Variants in CDH18 observed in about 807,000 individuals in gnomAD.
The protein encoded by CDH18 is cadherin-18.
In CDH18, 31 loss-of-function variants were observed where a neutral mutation model predicts 67.9. The ratio of observed to expected loss-of-function variants is 0.46; its 90% CI spans 0.34 to 0.62. CDH18 has a LOEUF of 0.62. Among genes scored for constraint, CDH18 ranks in the 20% least tolerant of loss-of-function variants. CDH18 has a pLI of 0.01. For missense variants in CDH18, 890 were observed against 975.5 expected, an observed-to-expected ratio of 0.91 and a Z score of 1.17; for synonymous variants, 362 against 347.2, an observed-to-expected ratio of 1.04 and a Z score of -0.48.
intron 1 of CDH18, among the ~76,000 whole-genome samples, chr5:20,338,482 C>T (rs912438098): frequency 1.3e-5 from 2 of 152,188 alleles, no homozygotes; most frequent in Non-Finnish European, 2.9e-5. Flanking sequence ...GGCCTCTCAT[C>T]AGGGACCAAG....
intron 1 of CDH18, among the ~76,000 whole-genome samples, chr5:20,288,877 A>G (rs1746891925): frequency 6.6e-6 from 1 of 152,012 alleles, no homozygotes; most frequent in Non-Finnish European, 1.5e-5. Flanking sequence ...CAGTTAAGAT[A>G]TATTTCAAAA....
chr5:20,372,705 C>T (rs1166060042), intron 1 of CDH18, among the ~76,000 whole-genome samples: 2 of 152,210 alleles, frequency 1.3e-5, no homozygotes, highest in African/African-American at 2.4e-5. Context: ...TGATAGCAAA[C>T]ATTAGTTGAT....
At chr5:19,863,188 C>A (rs1581693961) in intron 2 of CDH18, among the ~76,000 whole-genome samples, 1 of 151,678 alleles carries the variant, frequency 6.6e-6, no homozygotes, top group East Asian at 1.9e-4. Flanking sequence ...AGTGTGAGAG[C>A]GGGATAAACT....
At chr5:19,656,663 C>T (rs998706263) in intron 5 of CDH18, among the ~76,000 whole-genome samples, 3 of 151,872 alleles carry the variant, frequency 2.0e-5, no homozygotes, top group Non-Finnish European at 4.4e-5. Flanking sequence ...AAAATAGAAA[C>T]TGATGACATA....
At chr5:20,273,358 A>G (rs3925414) in intron 1 of CDH18, among the ~76,000 whole-genome samples, 17,717 of 151,926 alleles carry the variant, frequency 0.12, 1,565 homozygotes, top group African/African-American at 0.24. Context: ...CGAGAGATTA[A>G]GGTCGACTGG....
chr5:19,553,815 G>T (rs1737897256), intron 8 of CDH18, among the ~76,000 whole-genome samples: 1 of 151,564 alleles, frequency 6.6e-6, no homozygotes, highest in Admixed American at 6.6e-5. Context: ...GTATTTGCTT[G>T]TAGAGACAGT....
At chr5:20,230,179 T>C (rs1396651871) in intron 2 of CDH18, among the ~76,000 whole-genome samples, 2 of 152,128 alleles carry the variant, frequency 1.3e-5, no homozygotes, top group African/African-American at 4.8e-5. Context: ...TGCTAATAAT[T>C]GCATGTGTAT....
chr5:19,670,548 C>T (rs1230457748), intron 5 of CDH18, among the ~76,000 whole-genome samples: 3 of 152,084 alleles, frequency 2.0e-5, no homozygotes, highest in East Asian at 3.9e-4. Flanking sequence ...GTTTAAGTAG[C>T]TGTATAACAT....
chr5:20,173,306 T>C (rs954731441), intron 2 of CDH18, among the ~76,000 whole-genome samples: 1 of 152,078 alleles, frequency 6.6e-6, no homozygotes, highest in Non-Finnish European at 1.5e-5. Flanking sequence ...TCAAGGAAAC[T>C]AAAAAGCAAA....
At chr5:20,417,192 T>C (rs1050724369) in intron 1 of CDH18, among the ~76,000 whole-genome samples, 2 of 152,278 alleles carry the variant, frequency 1.3e-5, no homozygotes, top group East Asian at 3.9e-4. Flanking sequence ...TTGCTGATAG[T>C]TTGTAAGCCA....
At chr5:19,509,502 C>T (rs1028626794) in intron 10 of CDH18, among the ~76,000 whole-genome samples, 13 of 152,006 alleles carry the variant, frequency 8.6e-5, no homozygotes, top group African/African-American at 2.4e-4. Context: ...ATAATATAAT[C>T]GTTAATAGTA....
At chr5:19,961,212 C>T (rs1796867466) in intron 2 of CDH18, among the ~76,000 whole-genome samples, 1 of 150,904 alleles carries the variant, frequency 6.6e-6, no homozygotes. Context: ...ATGAGATTCT[C>T]CTGCCTCAGC....
intron 2 of CDH18, among the ~76,000 whole-genome samples, chr5:19,933,120 C>G (rs1793888087): frequency 6.6e-6 from 1 of 151,394 alleles, no homozygotes; most frequent in East Asian, 1.9e-4. Context: ...TATCTTAAAC[C>G]TTCACCAATT....
chr5:19,863,933 C>T (rs1363549139), intron 2 of CDH18, among the ~76,000 whole-genome samples: 1 of 151,936 alleles, frequency 6.6e-6, no homozygotes, highest in African/African-American at 2.4e-5. Context: ...GTTGGTGGGA[C>T]TGTAAACTAG....
chr5:20,365,984 A>G (rs929279458), intron 1 of CDH18, among the ~76,000 whole-genome samples: 2 of 152,100 alleles, frequency 1.3e-5, no homozygotes, highest in East Asian at 3.9e-4. Context: ...GTCTCTGAAG[A>G]TATCTTCTCT....
intron 1 of CDH18, among the ~76,000 whole-genome samples, chr5:20,499,178 T>A (rs994151784): frequency 6.6e-6 from 1 of 151,806 alleles, no homozygotes; most frequent in Non-Finnish European, 1.5e-5. Flanking sequence ...GGTTCCAGGA[T>A]CCCCATGGAT....
chr5:20,184,681 C>G (rs574247527), intron 2 of CDH18, among the ~76,000 whole-genome samples: 1 of 152,134 alleles, frequency 6.6e-6, no homozygotes, highest in East Asian at 1.9e-4. Flanking sequence ...ATTAGTTGGT[C>G]TATTGAAGAT....
At chr5:20,201,331 C>T (rs115206199) in intron 2 of CDH18, among the ~76,000 whole-genome samples, 94 of 152,228 alleles carry the variant, frequency 6.2e-4, no homozygotes, top group African/African-American at 2.2e-3. Context: ...AAATTGATTA[C>T]ATCTGCAAAG....
chr5:19,763,658 A>T (rs981032655), intron 3 of CDH18, among the ~76,000 whole-genome samples: 3 of 152,182 alleles, frequency 2.0e-5, no homozygotes, highest in Non-Finnish European at 4.4e-5. Context: ...ACATTGACAC[A>T]AAGTTGGCAT....
Sources: gnomAD v4.1 joint callset for allele counts (sites outside exome capture counted in the v4.1 genomes callset) on GRCh38, gnomAD v4.1.1 for gene constraint, MANE v1.5 for transcripts, NCBI Gene and HGNC (gene_info 2026-07-23, HGNC 2026-07-21) for gene names.